CCN6: variants seen among roughly 807,000 people sequenced by gnomAD.
CCN6 encodes cellular communication network factor 6, also known as CCN family member 6.
A neutral mutation model predicts 37.4 loss-of-function variants in CCN6; 31 were observed. The ratio of observed to expected loss-of-function variants is 0.83; its 90% CI spans 0.62 to 1.12. The LOEUF is 1.12. CCN6 is among the 50% of genes most tolerant of loss of function. The probability of loss-of-function intolerance (pLI) is 0.00; values close to 1 mark genes in which losing one functional copy is unlikely to be tolerated. For synonymous variants in CCN6, 137 were observed against 142.1 expected (o/e 0.96, Z 0.26); for missense variants, 369 against 413.8 (o/e 0.89, Z 0.94).
intron 3 of CCN6, among the ~76,000 whole-genome samples, chr6:112,065,217 A>T (rs1370861019): frequency 6.6e-6 from 1 of 152,228 alleles, no homozygotes; most frequent in Non-Finnish European, 1.5e-5. Context: ...ACATTTAAAA[A>T]CATTTTTAAA....
At chr6:112,067,944 T>C (rs1352612051) in intron 3 of CCN6, among the ~76,000 whole-genome samples, 3 of 152,164 alleles carry the variant, frequency 2.0e-5, no homozygotes, top group Admixed American at 6.5e-5. Context: ...AAAATGCAAA[T>C]GAGTAAATCT....
In CCN6 at chr6:112,054,392, C is replaced by T. The variant is rs782520313; in HGVS notation, c.35C>T (p.Ala12Val). The T allele has an allele frequency of 2.5e-6, 4 of 1,613,666 alleles. No homozygotes were observed. The highest frequency in any genetic ancestry group is 3.4e-6 in the Non-Finnish European group (4 of 1,179,958). ...QGLLFSTLLLAGLAQFCCRVQ... is the reference protein window; with the variant it reads ...QGLLFSTLLLVGLAQFCCRVQ... ...CTCCTCTTCTCCACTCTTCTGCTTG[C>T]TGGCCTGGCACAGGTAAGTCCTCTC... The change falls in exon 1 of 5, where the codon GCT becomes GTT. Residue 12 changes from alanine (A) to valine (V), a missense_variant. By Grantham distance (64) the Ala-to-Val change is moderately conservative (BLOSUM62 0). Coordinates refer to ENST00000368666, the MANE Select transcript of CCN6 (RefSeq NM_198239.2).
intron 2 of CCN6, 96 bp downstream of exon 2, chr6:112,061,384 GC>G: frequency 6.5e-7 from 1 of 1,545,930 alleles, no homozygotes; most frequent in Non-Finnish European, 8.9e-7. Context: ...GCTTAGTTTG[GC>G]TAAATATGAG....
chr6:112,068,472 G>A, intron 4 of CCN6, 74 bp downstream of exon 4: 1 of 1,342,278 alleles, frequency 7.5e-7, no homozygotes, highest in Non-Finnish European at 1.0e-6. Context: ...GTGTTTTGGA[G>A]GGTGGGATGG....
rs1554313647 is a variant in CCN6 at position 112,065,014 on chromosome 6, C to A, written c.589+17C>A. On this transcript the variant is annotated intron_variant, in intron 3 of 4. Transcript: ENST00000368666. Reference sequence around the variant, plus strand: ...CAATGCCAGGTGCTCAGAAGTAGAGCTATTTTTCACGTATGACCTTGGTGG... The same window carrying A: ...CAATGCCAGGTGCTCAGAAGTAGAGATATTTTTCACGTATGACCTTGGTGG... 9 of 1,613,700 alleles carry A rather than the reference C, an allele frequency of 5.6e-6. No homozygotes were observed.
rs2114444782 is a variant in CCN6, at chr6:112,061,003, G to T, written c.61G>T (p.Val21Leu). The change falls in exon 2 of 5, where the codon GTA (valine) becomes TTA (leucine). Residue 21 changes from valine (V) to leucine (L), a missense_variant. Transcript: ENST00000368666. ...TTATCAAATGAAGTTCTGCTGCAGGGTACAGGGCACTGGACCATTAGATAC... is the reference window on the plus strand; with the variant it reads ...TTATCAAATGAAGTTCTGCTGCAGGTTACAGGGCACTGGACCATTAGATAC... Reference protein sequence around the residue: ...LAGLAQFCCRVQGTGPLDTTP... With the variant: ...LAGLAQFCCRLQGTGPLDTTP... 1.2e-6 allele frequency: 2 copies of T among 1,614,048 alleles called. No individual in the cohort carries two copies. The highest frequency in any genetic ancestry group is 4.5e-5 in the East Asian group (2 of 44,884).
At chr6:112,058,061 G>C (rs1251930437) in intron 1 of CCN6, among the ~76,000 whole-genome samples, 1 of 152,158 alleles carries the variant, frequency 6.6e-6, no homozygotes, top group African/African-American at 2.4e-5. Context: ...AACTGAGATG[G>C]AGGCAAAATT....
At position 112,061,194 on chromosome 6, in the gene CCN6, A is replaced by G; in HGVS notation, c.252A>G (p.Glu84=). The part of the protein sequence containing the change: ...CCKICAKQPG[E]ICNEADLCDP... ...AAATCTGTGCCAAGCAACCAGGGGAAATCTGCAATGAAGCTGACCTCTGTG... is the reference window on the plus strand; with the variant it reads ...AAATCTGTGCCAAGCAACCAGGGGAGATCTGCAATGAAGCTGACCTCTGTG... Residue 84 remains glutamate (E), a synonymous_variant, in exon 2 of 5, where the codon GAA becomes GAG. Transcript: ENST00000368666. The G allele has an allele frequency of 1.2e-6, 2 of 1,614,152 alleles. No individual in the cohort carries two copies. Among genetic ancestry groups the G allele is most frequent in the South Asian group, 2.2e-5 (2 of 91,082 alleles).
chr6:112,066,887 T>C, intron 3 of CCN6: 1 of 1,126,058 alleles, frequency 8.9e-7, no homozygotes, highest in Non-Finnish European at 1.2e-6. Context: ...TAATGAATGG[T>C]AAATTCCTGA....
intron 2 of CCN6, among the ~76,000 whole-genome samples, chr6:112,063,532 A>G (rs191374161): frequency 6.6e-6 from 1 of 152,220 alleles, no homozygotes; most frequent in South Asian, 2.1e-4. Context: ...ATCTAAAAAA[A>G]ATCACATTAA....
chr6:112,054,841 T>C, intron 1 of CCN6: 1 of 218,742 alleles, frequency 4.6e-6, no homozygotes. Context: ...CAGTTAAGTC[T>C]GTCCTTCTTT....
At chr6:112,065,929 CTG>C (rs1192634583) in intron 3 of CCN6, among the ~76,000 whole-genome samples, 2 of 152,310 alleles carry the variant, frequency 1.3e-5, no homozygotes, top group South Asian at 2.1e-4. Context: ...GTTCACATCT[CTG>C]TGTTCTCATC....
At position 112,067,047 on chromosome 6, in the gene CCN6, C is replaced by T. The variant is rs782091903; in HGVS notation, c.590-1158C>T. 2.9e-6 allele frequency: 4 copies of T among 1,365,792 alleles called. No individual in the cohort carries two copies. In the Admixed American group the frequency reaches 7.6e-5, roughly 26 times the overall value. The allele number at this position is 1,365,792 out of a possible 1,614,324, so 84.6% of individuals were successfully genotyped here. A position where few individuals can be genotyped will look rare whatever the true frequency, so the allele number is the denominator to read the frequency against. The stretch of plus-strand genomic sequence containing the variant: ...CTACCTTCCAGGTATCTTCACGTTT[C>T]TGCTTCCTCTCCTCAGTTCTATGTG... On this transcript the variant is annotated intron_variant, in intron 3 of 4. Coordinates refer to ENST00000368666, the MANE Select transcript of CCN6 (RefSeq NM_198239.2).
chr6:112,057,671 A>ACGG (rs1308880112), intron 1 of CCN6, among the ~76,000 whole-genome samples: 1 of 152,194 alleles, frequency 6.6e-6, no homozygotes, highest in East Asian at 1.9e-4. Flanking sequence ...TCCAGGGCTC[A>ACGG]GTGGAGAAGT....
At chr6:112,065,628 A>ACACACACACACG (rs1562597792) in intron 3 of CCN6, among the ~76,000 whole-genome samples, 15 of 139,230 alleles carry the variant, frequency 1.1e-4, no homozygotes, top group Admixed American at 2.1e-4. Flanking sequence ...ACACGCACGC[A>ACACACACACACG]CACACACACA....
At chr6:112,066,279 A>G (rs1373555162) in intron 3 of CCN6, among the ~76,000 whole-genome samples, 1 of 151,228 alleles carries the variant, frequency 6.6e-6, no homozygotes, top group African/African-American at 2.4e-5. Flanking sequence ...TTTTTTTTTC[A>G]AAATGTACAG....
chr6:112,066,321 A>C (rs375387486), intron 3 of CCN6, among the ~76,000 whole-genome samples: 1 of 151,778 alleles, frequency 6.6e-6, no homozygotes, highest in African/African-American at 2.4e-5. Flanking sequence ...GATTTTAGTC[A>C]TTCAGTATAA....
At chr6:112,053,277 C>T (rs1583567983), upstream of CCN6, among the ~76,000 whole-genome samples, 1 of 145,388 alleles carries the variant, frequency 6.9e-6, no homozygotes, top group African/African-American at 2.6e-5. Flanking sequence ...GAGTACAAAC[C>T]TGTCAAAATT....
chr6:112,065,284 C>T (rs1191557689), intron 3 of CCN6, among the ~76,000 whole-genome samples: 1 of 152,104 alleles, frequency 6.6e-6, no homozygotes, highest in Non-Finnish European at 1.5e-5. Flanking sequence ...TATTTCTAAC[C>T]TCTTCTCAGG....
Sources: allele counts gnomAD v4.1 joint callset (sites outside exome capture counted in the v4.1 genomes callset), GRCh38; gene constraint gnomAD v4.1.1; transcripts MANE v1.5; gene names NCBI Gene and HGNC (gene_info 2026-07-23, HGNC 2026-07-21).